Variants in USP15 observed in about 807,000 individuals in gnomAD.
USP15 encodes ubiquitin carboxyl-terminal hydrolase 15.
In USP15, 18 loss-of-function variants were observed where a neutral mutation model predicts 127.1. That is an observed-to-expected ratio of 0.14 (90% CI 0.10 to 0.21). The LOEUF (loss-of-function observed/expected upper bound fraction) is 0.21, where lower values mean the gene tolerates loss of function less well. Among genes scored for constraint, USP15 ranks in the 10% least tolerant of loss-of-function variants. USP15 has a pLI of 1.00. For missense variants in USP15, 805 were observed against 1,159.9 expected, an observed-to-expected ratio of 0.69 and a Z score of 4.44; for synonymous variants, 364 against 393.7, an observed-to-expected ratio of 0.92 and a Z score of 0.89.
At chr12:62,372,873 C>G (rs1191785109) in intron 8 of USP15, among the ~76,000 whole-genome samples, 4 of 151,990 alleles carry the variant, frequency 2.6e-5, no homozygotes, top group African/African-American at 9.7e-5. Flanking sequence ...ATAACTTACA[C>G]CAACATTTCT....
At position 62,414,258 on chromosome 12, in the gene USP15, G is replaced by A. The variant is rs1050571727; in HGVS notation, c.*9883G>A. The A allele has an allele frequency of 5.3e-5, 8 of 152,198 alleles. No homozygotes were observed. The highest frequency in any genetic ancestry group is 3.2e-3 in the Middle Eastern group (1 of 316). 9.4% of individuals were successfully genotyped at this position (152,198 alleles called of 1,614,324 possible). A position where few individuals can be genotyped will look rare whatever the true frequency, so the allele number is the denominator to read the frequency against. ...TGTGCTCAATGTAGGCTTGCCACAAGCCTTGTTTGTAAAAAAACAAAAACA... is the reference window on the plus strand; with the variant it reads ...TGTGCTCAATGTAGGCTTGCCACAAACCTTGTTTGTAAAAAAACAAAAACA... On this transcript the variant is annotated 3_prime_UTR_variant, in exon 22 of 22. Transcript: ENST00000280377.
chr12:62,308,404 C>T (rs1301547589), intron 3 of USP15, among the ~76,000 whole-genome samples: 1 of 152,036 alleles, frequency 6.6e-6, no homozygotes, highest in African/African-American at 2.4e-5. Flanking sequence ...TTGGTCTATG[C>T]AGTCAGTAGC....
chr12:62,378,957 CAT>C (rs1271197299), intron 8 of USP15, among the ~76,000 whole-genome samples: 2 of 152,000 alleles, frequency 1.3e-5, no homozygotes, highest in African/African-American at 2.4e-5. Context: ...TGCTACGTGA[CAT>C]AGTGCTCAGT....
chr12:62,357,387 A>C (rs1037489040), intron 8 of USP15, among the ~76,000 whole-genome samples: 27 of 152,102 alleles, frequency 1.8e-4, no homozygotes, highest in African/African-American at 6.5e-4. Flanking sequence ...GTTATGTTTA[A>C]GGTGTGAGGA....
intron 1 of USP15, 81 bp downstream of exon 1, chr12:62,260,584 C>T (rs1454941799): frequency 1.4e-6 from 2 of 1,379,436 alleles, no homozygotes; most frequent in Non-Finnish European, 2.0e-6. Flanking sequence ...GGTTCTTTCG[C>T]TAGTGACAGG....
intron 20 of USP15, among the ~76,000 whole-genome samples, chr12:62,396,696 A>G (rs1025417712): frequency 1.3e-5 from 2 of 152,054 alleles, no homozygotes; most frequent in Admixed American, 1.3e-4. Context: ...TTTGATGCAT[A>G]TACTCTTGTA....
At chr12:62,388,117 A>ATTTTT (rs58192089) in intron 11 of USP15, among the ~76,000 whole-genome samples, 41 of 106,602 alleles carry the variant, frequency 3.8e-4, no homozygotes, top group African/African-American at 5.3e-4. Flanking sequence ...AATGGTGAAG[A>ATTTTT]TTTTTTTTTT....
chr12:62,273,766 T>C (rs1186775168), intron 1 of USP15, among the ~76,000 whole-genome samples: 2 of 152,056 alleles, frequency 1.3e-5, no homozygotes, highest in East Asian at 3.9e-4. Context: ...CTTATAGGCA[T>C]GCGTGTGAAC....
At chr12:62,314,758 T>A in intron 3 of USP15, 32 bp from the exon 4 acceptor site, 1 of 1,505,138 alleles carries the variant, frequency 6.6e-7, no homozygotes, top group South Asian at 1.4e-5. Context: ...TTGATATAGG[T>A]GACACTGATT....
rs1460827926 is a variant in USP15 at position 62,413,157 on chromosome 12, T to C, written c.*8782T>C. The C allele has an allele frequency of 6.6e-6, 1 of 152,208 alleles. No individual in the cohort carries two copies. The highest frequency in any genetic ancestry group is 1.5e-5 in the Non-Finnish European group (1 of 68,032). The allele number at this position is 152,208 out of a possible 1,614,324, so 9.4% of individuals were successfully genotyped here. A position where few individuals can be genotyped will look rare whatever the true frequency, so the allele number is the denominator to read the frequency against. ...CAGTAATATTTTGAAAGGAATCTTTTTCTGAGCAATAGATCTCCGCAGTGG... is the reference window on the plus strand; with the variant it reads ...CAGTAATATTTTGAAAGGAATCTTTCTCTGAGCAATAGATCTCCGCAGTGG... On this transcript the variant is annotated 3_prime_UTR_variant, in exon 22 of 22. Transcript: ENST00000280377.
intron 6 of USP15, among the ~76,000 whole-genome samples, chr12:62,342,701 C>A (rs1386940755): frequency 6.6e-6 from 1 of 152,168 alleles, no homozygotes; most frequent in African/African-American, 2.4e-5. Flanking sequence ...CTACTCCAGA[C>A]CCTGTTCGCC....
At chr12:62,277,426 T>C (rs2063525062) in intron 1 of USP15, 1 of 152,160 alleles carries the variant, frequency 6.6e-6, no homozygotes, top group Admixed American at 6.6e-5. Context: ...GCAGTTTTAA[T>C]ATAATGTTAA....
chr12:62,404,068 C>G, intron 21 of USP15, 125 bp from the exon 22 acceptor site: 1 of 1,058,862 alleles, frequency 9.4e-7, no homozygotes, highest in Non-Finnish European at 1.2e-6. Context: ...TTCCATTTGA[C>G]CATGCATGGT....
chr12:62,352,258 T>G (rs1256426710), intron 7 of USP15, among the ~76,000 whole-genome samples: 2 of 151,846 alleles, frequency 1.3e-5, no homozygotes, highest in African/African-American at 4.8e-5. Context: ...TTATTTCATT[T>G]AAGTTTAATA....
intron 5 of USP15, among the ~76,000 whole-genome samples, chr12:62,325,563 T>C (rs2065102261): frequency 6.6e-6 from 1 of 152,074 alleles, no homozygotes; most frequent in Non-Finnish European, 1.5e-5. Flanking sequence ...ATTCTCTAAA[T>C]TCAAGGAATT....
intron 1 of USP15, among the ~76,000 whole-genome samples, chr12:62,280,888 A>G (rs960393532): frequency 2.6e-5 from 4 of 152,160 alleles, no homozygotes; most frequent in African/African-American, 7.2e-5. Flanking sequence ...AATGTTAAGC[A>G]TTTTAGACTT....
chr12:62,398,513 TTGTA>T (rs1296318563), intron 20 of USP15, among the ~76,000 whole-genome samples: 1 of 152,234 alleles, frequency 6.6e-6, no homozygotes, highest in Non-Finnish European at 1.5e-5. Flanking sequence ...TATCTTTCAA[TTGTA>T]TGTATGTTTT....
At chr12:62,387,338 A>G (rs1293318297) in intron 11 of USP15, among the ~76,000 whole-genome samples, 1 of 152,186 alleles carries the variant, frequency 6.6e-6, no homozygotes, top group African/African-American at 2.4e-5. Flanking sequence ...TGTCATTAAT[A>G]ATTATACTAG....
At chr12:62,363,976 G>A (rs1316209060) in intron 8 of USP15, among the ~76,000 whole-genome samples, 4 of 152,080 alleles carry the variant, frequency 2.6e-5, no homozygotes, top group Non-Finnish European at 5.9e-5. Flanking sequence ...GGCATGTTCA[G>A]TTTGTGATGT....
Sources: gnomAD v4.1 joint callset for allele counts (sites outside exome capture counted in the v4.1 genomes callset) on GRCh38, gnomAD v4.1.1 for gene constraint, MANE v1.5 for transcripts, NCBI Gene and HGNC (gene_info 2026-07-23, HGNC 2026-07-21) for gene names.